LRRC59: variants seen among roughly 807,000 people sequenced by gnomAD.
LRRC59 encodes leucine-rich repeat-containing protein 59.
A neutral mutation model predicts 33.5 loss-of-function variants in LRRC59; 18 were observed. The observed-to-expected ratio is 0.54, with a 90% CI of 0.37 to 0.80. The LOEUF (loss-of-function observed/expected upper bound fraction) is 0.80. LRRC59 is among the 30% of genes least tolerant of loss of function. LRRC59 has a pLI of 0.00. For missense variants in LRRC59, 330 were observed against 391.9 expected (o/e 0.84, Z 1.33); for synonymous variants, 138 against 160.0 (o/e 0.86, Z 1.04).
Position 50,392,776 on chromosome 17 carries a change from T to A in LRRC59, c.287A>T (p.Lys96Met), listed in dbSNP as rs774577619. The A allele has an allele frequency of 4.3e-6, 7 of 1,613,986 alleles. No homozygotes were observed. The highest frequency in any genetic ancestry group is 5.9e-6 in the Non-Finnish European group (7 of 1,180,014). The change falls in exon 3 of 7, where the codon AAG becomes ATG. Residue 96 changes from lysine (K) to methionine (M), a missense_variant. Lys to Met is a moderately conservative substitution (Grantham distance 95). Transcript: ENST00000225972. ...AAAGCTGACAGGCAAGGTGACCAGC[T>A]TGTTGTTGAGGAGATCCAGGTGCTG... ...NLQHLDLLNN[K>M]LVTLPVSFAQ...
intron 6 of LRRC59, 132 bp downstream of exon 6, chr17:50,384,986 C>G: frequency 9.4e-7 from 1 of 1,068,216 alleles, no homozygotes; most frequent in Non-Finnish European, 1.4e-6. Flanking sequence ...CAAACCTTCT[C>G]ATCCACTCCC....
At position 50,393,284 on chromosome 17, in the gene LRRC59, A is replaced by G. The variant is rs1004312561; in HGVS notation, c.166-387T>C. Reference sequence around the variant, plus strand: ...CCAAGATATGTATGGAAAAGGGCTTAGCACAAAGTAGGCACAAAACACTAT... The same window carrying G: ...CCAAGATATGTATGGAAAAGGGCTTGGCACAAAGTAGGCACAAAACACTAT... On this transcript the variant is annotated intron_variant, in intron 2 of 6. Transcript: ENST00000225972. Among the ~76,000 whole-genome samples the G allele has an allele frequency of 3.3e-5, 5 of 152,216 alleles. No individual in the cohort carries two copies. In the East Asian group the frequency reaches 9.6e-4, roughly 29 times the overall value.
In LRRC59 at chr17:50,395,901, C is replaced by CA. The variant is rs372143721; in HGVS notation, c.106-914dup. 4.5e-3 allele frequency: 630 copies of CA among 139,802 alleles called. 15 individuals are homozygous for CA. The East Asian group carries it at 0.075, about 17-fold the overall frequency. The allele number at this position is 139,802 out of a possible 1,614,324, so 8.7% of individuals were successfully genotyped here. ...GCAACAACAGCAAAACTCCATCATC[C>CA]AAAAAAAAAAAAGGCCCTCACAGCC... On this transcript the variant is annotated intron_variant, in intron 1 of 6. Coordinates refer to ENST00000225972, the MANE Select transcript of LRRC59 (RefSeq NM_018509.4).
intron 2 of LRRC59, among the ~76,000 whole-genome samples, chr17:50,393,515 T>C (rs1914199558): frequency 6.6e-6 from 1 of 152,222 alleles, no homozygotes; most frequent in African/African-American, 2.4e-5. Flanking sequence ...AGCACAGTAC[T>C]TAACACAGGT....
At chr17:50,394,063 A>G (rs1397596015) in intron 2 of LRRC59, among the ~76,000 whole-genome samples, 3 of 152,220 alleles carry the variant, frequency 2.0e-5, no homozygotes, top group Admixed American at 2.0e-4. Flanking sequence ...TGTTAGAAAC[A>G]GTTTTTGATG....
intron 5 of LRRC59, 27 bp downstream of exon 5, chr17:50,388,033 A>AT: frequency 6.2e-7 from 1 of 1,612,248 alleles, no homozygotes; most frequent in Non-Finnish European, 8.5e-7. Context: ...GACCTGAAAG[A>AT]TAACTACAAG....
At chr17:50,396,126 C>T (rs1259372355) in intron 1 of LRRC59, 1 of 152,188 alleles carries the variant, frequency 6.6e-6, no homozygotes, top group Non-Finnish European at 1.5e-5. Flanking sequence ...TGGCAACCTG[C>T]ACTTTCTGTC....
Position 50,392,449 on chromosome 17 carries a change from C to A in LRRC59, c.378G>T (p.Lys126Asn). 6.2e-7 allele frequency: 1 copy of A among 1,614,188 alleles called. No individual in the cohort carries two copies. The highest frequency in any genetic ancestry group is 8.5e-7 in the Non-Finnish European group (1 of 1,180,034). Residue 126 changes from lysine to asparagine, a missense_variant, in exon 4 of 7, where the codon AAG (lysine) becomes AAT (asparagine). Physicochemically the swap from Lys to Asn is moderately conservative, Grantham distance 94 (BLOSUM62 0). Transcript: ENST00000225972. ...TCTCATCCAAGCAGTCACCTGCCAC[C>A]TTGGCCAGGACAGGATCCAGGGGGT... ...KDNPLDPVLA[K>N]VAGDCLDEKQ...
At chr17:50,397,097 G>C (rs749218699) in intron 1 of LRRC59, 116 bp downstream of exon 1, 18 of 795,334 alleles carry the variant, frequency 2.3e-5, no homozygotes, top group Non-Finnish European at 3.4e-5. Context: ...CCACCACCCC[G>C]CTTCTTTTTA....
At chr17:50,388,523 G>C (rs187693539) in intron 4 of LRRC59, among the ~76,000 whole-genome samples, 4 of 152,200 alleles carry the variant, frequency 2.6e-5, no homozygotes, top group Admixed American at 1.3e-4. Context: ...TCTGGGTGAA[G>C]ACTGAGACCC....
intron 5 of LRRC59, among the ~76,000 whole-genome samples, chr17:50,387,034 C>A (rs1914020306): frequency 6.6e-6 from 1 of 152,166 alleles, no homozygotes; most frequent in Non-Finnish European, 1.5e-5. Flanking sequence ...AGGAGAATGG[C>A]TTGAAGCCAG....
chr17:50,383,278 G>A (rs1411847153), intron 6 of LRRC59, 43 bp from the exon 7 acceptor site: 2 of 1,539,038 alleles, frequency 1.3e-6, no homozygotes, highest in Non-Finnish European at 1.8e-6. Flanking sequence ...TCAGTCAGAG[G>A]AGACCTGCTC....
chr17:50,383,077 T>G lies in LRRC59; in HGVS notation c.835A>C (p.Ser279Arg). The change falls in exon 7 of 7, where the codon AGC (serine) becomes CGC (arginine). Residue 279 changes from serine to arginine, a missense_variant. Ser to Arg is a moderately radical substitution (Grantham distance 110, BLOSUM62 -1). Transcript: ENST00000225972. ...GCATTGTCATAGATGGTGTTCACGC[T>G]GGTGCAGAGGGGCTGCTGCTGCAGC... ...TELQQQPLCT[S>R]VNTIYDNAVQ... 1.2e-6 allele frequency: 2 copies of G among 1,611,468 alleles called. No individual in the cohort carries two copies. The highest frequency in any genetic ancestry group is 1.7e-6 in the Non-Finnish European group (2 of 1,179,684).
chr17:50,392,516 C>T lies in LRRC59; in HGVS notation c.325-14G>A, dbSNP rs767857686. The T allele has an allele frequency of 5.6e-6, 9 of 1,601,766 alleles. No individual in the cohort carries two copies. The East Asian group carries it at 1.3e-4, about 24-fold the overall frequency. On this transcript the variant is annotated splice_polypyrimidine_tract_variant and intron_variant, in intron 3 of 6. Coordinates refer to ENST00000225972, the MANE Select transcript of LRRC59 (RefSeq NM_018509.4). ...CCACTTCAGGTTCTAAAGAGATGGGCGATGGGCAAAGAGGCTCATTAAGCC... is the reference window on the plus strand; with the variant it reads ...CCACTTCAGGTTCTAAAGAGATGGGTGATGGGCAAAGAGGCTCATTAAGCC...
In LRRC59 at chr17:50,382,807, T is replaced by A. The variant is rs2143349222; in HGVS notation, c.*181A>T. On this transcript the variant is annotated 3_prime_UTR_variant, in exon 7 of 7. Transcript: ENST00000225972. ...GCCACCTCCCATTTCTCCTCATTCCTTCAGGGAACCCTGACTAAGGAATGA... is the reference window on the plus strand; with the variant it reads ...GCCACCTCCCATTTCTCCTCATTCCATCAGGGAACCCTGACTAAGGAATGA... The A allele has an allele frequency of 1.2e-4, 64 of 523,224 alleles. No individual in the cohort carries two copies. The highest frequency in any genetic ancestry group is 6.6e-4 in the Middle Eastern group (1 of 1,518). 32.4% of individuals were successfully genotyped at this position (523,224 alleles called of 1,614,324 possible). A position where few individuals can be genotyped will look rare whatever the true frequency, so the allele number is the denominator to read the frequency against.
chr17:50,393,564 T>G (rs990759209), intron 2 of LRRC59, among the ~76,000 whole-genome samples: 3 of 152,224 alleles, frequency 2.0e-5, no homozygotes, highest in African/African-American at 7.2e-5. Context: ...CTGAACGGGC[T>G]GGGGTCCATC....
chr17:50,383,561 C>G (rs915360647), intron 6 of LRRC59, among the ~76,000 whole-genome samples: 3 of 152,086 alleles, frequency 2.0e-5, no homozygotes, highest in African/African-American at 7.2e-5. Flanking sequence ...AAGCATCCAG[C>G]GCTGACAGAG....
chr17:50,397,116 G>A, intron 1 of LRRC59, 97 bp downstream of exon 1: 8 of 945,990 alleles, frequency 8.5e-6, no homozygotes, highest in Non-Finnish European at 9.2e-6. Flanking sequence ...TAAAGAAAAG[G>A]AAACTGATGC....
chr17:50,384,931 A>T (rs1913964990), intron 6 of LRRC59, among the ~76,000 whole-genome samples, 187 bp downstream of exon 6: 1 of 152,182 alleles, frequency 6.6e-6, no homozygotes, highest in Non-Finnish European at 1.5e-5. Flanking sequence ...AGAAACAAAC[A>T]AGCTGGGCAC....
Sources: gnomAD v4.1 joint callset for allele counts (sites outside exome capture counted in the v4.1 genomes callset) on GRCh38, gnomAD v4.1.1 for gene constraint, MANE v1.5 for transcripts, NCBI Gene and HGNC (gene_info 2026-07-23, HGNC 2026-07-21) for gene names.